MAD1L1: variants seen among roughly 807,000 people sequenced by gnomAD.
MAD1L1 encodes mitotic spindle assembly checkpoint protein MAD1.
In MAD1L1, 95 loss-of-function variants were observed where a neutral mutation model predicts 96.9. The ratio of observed to expected loss-of-function variants is 0.98; its 90% CI spans 0.83 to 1.16. The LOEUF (loss-of-function observed/expected upper bound fraction) is 1.16. Among genes scored for constraint, MAD1L1 ranks in the 50% most tolerant of loss-of-function variants. The pLI is 0.00. For synonymous variants in MAD1L1, 473 were observed against 396.6 expected, an observed-to-expected ratio of 1.19 and a Z score of -2.29; for missense variants, 1,007 against 954.4, an observed-to-expected ratio of 1.06 and a Z score of -0.73.
chr7:2,211,935 A>G (rs952768561), intron 10 of MAD1L1, among the ~76,000 whole-genome samples: 15 of 152,228 alleles, frequency 9.9e-5, no homozygotes, highest in Admixed American at 7.2e-4. Flanking sequence ...AAATCTCACA[A>G]GCAAACACAA....
Position 2,162,032 on chromosome 7 carries a change from G to A in MAD1L1, c.987-12794C>T, listed in dbSNP as rs576111667. On this transcript the variant is annotated intron_variant, in intron 10 of 18. Transcript: ENST00000265854. ...GCGGCCCCTGCCCATCCACCCGGCCGCCCCGTCTGGGAAGTGAGGAGCCCC... is the reference window on the plus strand; with the variant it reads ...GCGGCCCCTGCCCATCCACCCGGCCACCCCGTCTGGGAAGTGAGGAGCCCC... Among the ~76,000 whole-genome samples the A allele has an allele frequency of 4.7e-3, 692 of 148,714 alleles. 10 individuals are homozygous for A. Among genetic ancestry groups the A allele is most frequent in the African/African-American group, 0.016 (648 of 40,238 alleles).
Position 1,936,763 on chromosome 7 carries a change from G to C in MAD1L1, c.1731C>G (p.Ala577=). ...CTGGGACGGTGCCTCCTCTCTCCATGGCGCGCAGGAGCCCGCGCAGTCGCT... is the reference window on the plus strand; with the variant it reads ...CTGGGACGGTGCCTCCTCTCTCCATCGCGCGCAGGAGCCCGCGCAGTCGCT... The part of the protein sequence containing the change: ...ECERLRGLLR[A]MERGGTVPAD... The change falls in exon 17 of 19, where the codon GCC becomes GCG. Residue 577 remains alanine, a synonymous_variant. Transcript: ENST00000265854. The C allele has an allele frequency of 6.4e-7, 1 of 1,571,794 alleles. No homozygotes were observed. The highest frequency in any genetic ancestry group is 8.6e-7 in the Non-Finnish European group (1 of 1,159,854).
intron 17 of MAD1L1, among the ~76,000 whole-genome samples, chr7:1,898,867 T>C (rs1380122734): frequency 1.3e-5 from 2 of 152,160 alleles, no homozygotes; most frequent in Non-Finnish European, 2.9e-5. Flanking sequence ...AGCGAAGGCC[T>C]GGGCTGCCAC....
chr7:1,901,648 A>G (rs916748169), intron 17 of MAD1L1, among the ~76,000 whole-genome samples: 15 of 152,222 alleles, frequency 9.9e-5, no homozygotes, highest in Admixed American at 2.0e-4. Context: ...GAGGGAGCCC[A>G]GCTCTGCAGC....
intron 12 of MAD1L1, among the ~76,000 whole-genome samples, chr7:2,043,757 G>A (rs951892160): frequency 5.9e-5 from 9 of 152,206 alleles, no homozygotes; most frequent in African/African-American, 2.2e-4. Context: ...CTCCTGCCAG[G>A]CCCCAGGGAG....
At chr7:2,043,132 A>AG (rs962016387) in intron 12 of MAD1L1, among the ~76,000 whole-genome samples, 2 of 151,548 alleles carry the variant, frequency 1.3e-5, no homozygotes, top group Non-Finnish European at 2.9e-5. Flanking sequence ...ATGCAGTGTA[A>AG]GGGGGGGCCT....
intron 11 of MAD1L1, among the ~76,000 whole-genome samples, chr7:2,118,545 C>T (rs191846560): frequency 6.6e-6 from 1 of 152,358 alleles, no homozygotes; most frequent in African/African-American, 2.4e-5. Flanking sequence ...ACTCAACACA[C>T]TGGGCCAGCA....
intron 12 of MAD1L1, among the ~76,000 whole-genome samples, chr7:2,018,049 C>T (rs950389287): frequency 7.2e-5 from 11 of 152,096 alleles, no homozygotes; most frequent in Non-Finnish European, 1.3e-4. Flanking sequence ...GGAGGTGCTG[C>T]AGGCAGGGGA....
In MAD1L1 at chr7:1,922,868, T is replaced by G. The variant is rs147325963; in HGVS notation, c.1807+13819A>C. ...TGACTGCATTTGTGCATCCGTTGGT[T>G]TGGCCATGTAATTTTTCCTTTTGGC... On this transcript the variant is annotated intron_variant, in intron 17 of 18. Coordinates refer to ENST00000265854, the MANE Select transcript of MAD1L1 (RefSeq NM_001013836.2). Among the ~76,000 whole-genome samples, 532 of 152,342 alleles carry G rather than the reference T, an allele frequency of 3.5e-3. 5 individuals are homozygous for G. The highest frequency in any genetic ancestry group is 0.012 in the African/African-American group (508 of 41,586).
At chr7:1,912,181 A>G (rs1020357616) in intron 17 of MAD1L1, among the ~76,000 whole-genome samples, 3 of 152,066 alleles carry the variant, frequency 2.0e-5, no homozygotes, top group African/African-American at 7.2e-5. Context: ...GCGGGTACAG[A>G]CCCCAGAACC....
intron 11 of MAD1L1, among the ~76,000 whole-genome samples, chr7:2,106,931 C>T (rs971948693): frequency 2.6e-5 from 4 of 152,174 alleles, no homozygotes; most frequent in Non-Finnish European, 4.4e-5. Flanking sequence ...GGGTCCAGAA[C>T]GCAGCTGGCC....
At chr7:2,172,179 G>A (rs943870218) in intron 10 of MAD1L1, among the ~76,000 whole-genome samples, 3 of 152,200 alleles carry the variant, frequency 2.0e-5, no homozygotes, top group African/African-American at 7.2e-5. Flanking sequence ...GCAGCACCTG[G>A]AAAGGGCCTG....
rs1785879970 is a variant in MAD1L1 at position 1,884,368 on chromosome 7, C to T, written c.1998+13832G>A. Reference sequence around the variant, plus strand: ...GTCCGGGCAGCCACCAGCTCCCCTGCCTCTGGCTTGGGAAGCCTGAGGTGA... The same window carrying T: ...GTCCGGGCAGCCACCAGCTCCCCTGTCTCTGGCTTGGGAAGCCTGAGGTGA... On this transcript the variant is annotated intron_variant, in intron 18 of 18. Transcript: ENST00000265854. Among the ~76,000 whole-genome samples, 5 of 152,354 alleles carry T rather than the reference C, an allele frequency of 3.3e-5. No individual in the cohort carries two copies. The South Asian group carries it at 1.0e-3, about 32-fold the overall frequency.
At chr7:2,026,846 T>C (rs1165416095) in intron 12 of MAD1L1, among the ~76,000 whole-genome samples, 2 of 152,180 alleles carry the variant, frequency 1.3e-5, no homozygotes, top group African/African-American at 4.8e-5. Flanking sequence ...ATCAATTATC[T>C]ACATATACAA....
intron 11 of MAD1L1, chr7:2,079,739 G>A (rs1343141041): frequency 2.1e-6 from 1 of 470,884 alleles, no homozygotes; most frequent in African/African-American, 2.0e-5. Context: ...GCTGGGTGGG[G>A]AGCCCCGGCA....
chr7:2,137,845 G>A (rs1370543762), intron 11 of MAD1L1, among the ~76,000 whole-genome samples: 2 of 152,202 alleles, frequency 1.3e-5, no homozygotes, highest in African/African-American at 4.8e-5. Context: ...AGCCAAGCAG[G>A]AGGTGGACGT....
intron 17 of MAD1L1, among the ~76,000 whole-genome samples, chr7:1,912,281 TG>T: frequency 6.6e-6 from 1 of 152,108 alleles, no homozygotes; most frequent in Non-Finnish European, 1.5e-5. Flanking sequence ...AGACAGCAAA[TG>T]GGGGCATGTG....
chr7:2,166,031 A>G (rs1485156021), intron 10 of MAD1L1, among the ~76,000 whole-genome samples: 3 of 152,228 alleles, frequency 2.0e-5, no homozygotes, highest in African/African-American at 7.2e-5. Context: ...AGGGTCACTC[A>G]TTAAGTGACT....
At chr7:1,922,876 G>T (rs772046305) in intron 17 of MAD1L1, among the ~76,000 whole-genome samples, 54 of 152,250 alleles carry the variant, frequency 3.5e-4, no homozygotes, top group Non-Finnish European at 6.0e-4. Context: ...GTTTGGCCAT[G>T]TAATTTTTCC....
Sources: allele counts gnomAD v4.1 joint callset (sites outside exome capture counted in the v4.1 genomes callset), GRCh38; gene constraint gnomAD v4.1.1; transcripts MANE v1.5; gene names NCBI Gene and HGNC (gene_info 2026-07-23, HGNC 2026-07-21).